Variants in C3orf20 observed in about 807,000 individuals in gnomAD.
C3orf20 encodes uncharacterized protein C3orf20.
Under a neutral mutation model 88.3 loss-of-function variants are expected in C3orf20, and 76 were observed. That is an observed-to-expected ratio of 0.86 (90% CI 0.72 to 1.04). The LOEUF (loss-of-function observed/expected upper bound fraction) is 1.04. Ranked by LOEUF, C3orf20 falls within the 50% of genes least tolerant of loss-of-function variation. The pLI is 0.00. For missense variants in C3orf20, 1,056 were observed against 1,123.3 expected (o/e 0.94, Z 0.86); for synonymous variants, 436 against 437.4 (o/e 1.00, Z 0.04).
intron 3 of C3orf20, among the ~76,000 whole-genome samples, chr3:14,683,904 G>T (rs558209519): frequency 1.7e-4 from 26 of 151,618 alleles, no homozygotes; most frequent in South Asian, 1.0e-3. Flanking sequence ...AAGAACCGGG[G>T]TCCTTCCAAA....
At chr3:14,688,529 C>CAA (rs35979290) in intron 4 of C3orf20, among the ~76,000 whole-genome samples, 7,558 of 105,252 alleles carry the variant, frequency 0.072, 427 homozygotes, top group Non-Finnish European at 0.098. Context: ...GAGACTGTCT[C>CAA]AAAAAAAAAA....
intron 12 of C3orf20, among the ~76,000 whole-genome samples, chr3:14,737,031 T>C (rs112867195): frequency 1.3e-3 from 194 of 152,348 alleles, no homozygotes; most frequent in African/African-American, 4.5e-3. Context: ...CATCTTTTTT[T>C]CTCTGGCTGT....
intron 4 of C3orf20, among the ~76,000 whole-genome samples, chr3:14,688,790 T>C (rs1048994171): frequency 2.6e-5 from 4 of 152,122 alleles, no homozygotes; most frequent in African/African-American, 9.7e-5. Flanking sequence ...CCTGTGCTCG[T>C]GTATGTATAT....
chr3:14,685,573 A>G (rs2124893507), intron 4 of C3orf20, among the ~76,000 whole-genome samples: 1 of 151,986 alleles, frequency 6.6e-6, no homozygotes, highest in East Asian at 1.9e-4. Flanking sequence ...ATACAGTGAT[A>G]TTAACTATAG....
chr3:14,675,937 C>CT (rs1391576289), intron 1 of C3orf20, among the ~76,000 whole-genome samples: 1 of 152,158 alleles, frequency 6.6e-6, no homozygotes, highest in Non-Finnish European at 1.5e-5. Context: ...GATGATCTAT[C>CT]TGCCTCATCC....
At chr3:14,681,079 G>A (rs1466964382) in intron 1 of C3orf20, among the ~76,000 whole-genome samples, 2 of 152,226 alleles carry the variant, frequency 1.3e-5, no homozygotes, top group Admixed American at 1.3e-4. Context: ...GATGGACAGA[G>A]GCAGGTCAGA....
chr3:14,676,947 G>A (rs2031804259), intron 1 of C3orf20, among the ~76,000 whole-genome samples: 1 of 152,176 alleles, frequency 6.6e-6, no homozygotes, highest in African/African-American at 2.4e-5. Flanking sequence ...TGTCCAGAAT[G>A]CTGTTTTATA....
At chr3:14,710,299 CA>C in intron 7 of C3orf20, among the ~76,000 whole-genome samples, 1 of 151,742 alleles carries the variant, frequency 6.6e-6, no homozygotes, top group Non-Finnish European at 1.5e-5. Flanking sequence ...ATCAAAGATG[CA>C]ACTTTTGGTT....
At chr3:14,761,740 G>GGAGGGCAGAAAGGAGACTT in intron 15 of C3orf20, 125 bp downstream of exon 15, 1 of 925,224 alleles carries the variant, frequency 1.1e-6, no homozygotes, top group Non-Finnish European at 1.6e-6. Context: ...AGTGGGGAGG[G>GGAGGGCAGAAAGGAGACTT]GGGCTGGAGG....
intron 15 of C3orf20, chr3:14,765,299 C>T (rs1429717612): frequency 6.6e-6 from 1 of 152,262 alleles, no homozygotes; most frequent in African/African-American, 2.4e-5. Context: ...GGCTCAGTTG[C>T]TACGGGATGG....
At position 14,683,107 on chromosome 3, in the gene C3orf20, G is replaced by A. The variant is rs753953694; in HGVS notation, c.394G>A (p.Glu132Lys). The change falls in exon 3 of 17, where the codon GAG becomes AAG. Residue 132 changes from glutamate (E) to lysine (K), a missense_variant. Coordinates refer to ENST00000253697, the MANE Select transcript of C3orf20 (RefSeq NM_032137.5). ...TMARQVRTHQ[E>K]TLNRFQQQSI... ...GGCCCGTCAGGTGCGCACCCACCAG[G>A]AGACCCTGAACAGGTTTCAGCAGCA... 15 of 1,614,016 alleles carry A rather than the reference G, an allele frequency of 9.3e-6. No individual in the cohort carries two copies. The highest frequency in any genetic ancestry group is 1.2e-5 in the Non-Finnish European group (14 of 1,180,028).
chr3:14,736,317 G>C (rs2125001747), intron 12 of C3orf20, among the ~76,000 whole-genome samples: 1 of 150,706 alleles, frequency 6.6e-6, no homozygotes, highest in South Asian at 2.1e-4. Context: ...TTGAGACAGA[G>C]TCTTGCTCTG....
chr3:14,719,676 T>C (rs2034077407), intron 9 of C3orf20, among the ~76,000 whole-genome samples: 1 of 152,162 alleles, frequency 6.6e-6, no homozygotes, highest in African/African-American at 2.4e-5. Context: ...GCTGCCATAC[T>C]TGGGAGTTTG....
chr3:14,736,088 A>C (rs1404608885), intron 12 of C3orf20, among the ~76,000 whole-genome samples: 2 of 152,126 alleles, frequency 1.3e-5, no homozygotes, highest in Non-Finnish European at 2.9e-5. Flanking sequence ...GTTTTTCAAA[A>C]TATTCTCTTG....
chr3:14,683,078 C>A lies in C3orf20; in HGVS notation c.365C>A (p.Thr122Asn), dbSNP rs377626922. ...GCCAAGCGCTCCACCCTCTCTCCCA[C>A]CATGGCCCGTCAGGTGCGCACCCAC... ...GAAKRSTLSP[T>N]MARQVRTHQE... The change falls in exon 3 of 17, where the codon ACC (threonine) becomes AAC (asparagine). Residue 122 changes from threonine (T) to asparagine (N), a missense_variant. Physicochemically the swap from Thr to Asn is moderately conservative, Grantham distance 65 (BLOSUM62 0). Coordinates refer to ENST00000253697, the MANE Select transcript of C3orf20 (RefSeq NM_032137.5). The A allele has an allele frequency of 2.0e-4, 327 of 1,612,296 alleles. 5 individuals are homozygous for A. In the South Asian group the frequency reaches 3.5e-3, roughly 17 times the overall value.
At chr3:14,724,748 T>A (rs1467619920) in intron 10 of C3orf20, among the ~76,000 whole-genome samples, 2 of 152,244 alleles carry the variant, frequency 1.3e-5, no homozygotes, top group Non-Finnish European at 1.5e-5. Context: ...CTTTTAAAAA[T>A]TTTTTAATGT....
intron 12 of C3orf20, among the ~76,000 whole-genome samples, chr3:14,749,890 C>G (rs2035170195): frequency 6.6e-6 from 1 of 151,870 alleles, no homozygotes; most frequent in Non-Finnish European, 1.5e-5. Context: ...CTTCCCACCT[C>G]TCTACTTTAT....
chr3:14,764,480 T>TTTATTATTATTATTA (rs374160361), intron 15 of C3orf20, among the ~76,000 whole-genome samples: 374 of 148,738 alleles, frequency 2.5e-3, no homozygotes, highest in Middle Eastern at 0.018. Context: ...AACACAATCG[T>TTTATTATTATTATTA]TTATTATTAT....
intron 13 of C3orf20, among the ~76,000 whole-genome samples, chr3:14,759,160 T>C (rs1320694920): frequency 6.6e-6 from 1 of 152,072 alleles, no homozygotes; most frequent in Non-Finnish European, 1.5e-5. Context: ...AGGTGTCAGA[T>C]TAGGGTGTCT....
Sources: allele counts gnomAD v4.1 joint callset (sites outside exome capture counted in the v4.1 genomes callset), GRCh38; gene constraint gnomAD v4.1.1; transcripts MANE v1.5; gene names NCBI Gene and HGNC (gene_info 2026-07-23, HGNC 2026-07-21).